CCDC85A: variants seen among roughly 807,000 people sequenced by gnomAD.
CCDC85A encodes coiled-coil domain-containing protein 85A.
A neutral mutation model predicts 50.2 loss-of-function variants in CCDC85A; 38 were observed. The observed-to-expected ratio is 0.76, with a 90% CI of 0.58 to 0.99. The LOEUF (loss-of-function observed/expected upper bound fraction) is 0.99, where lower values mean the gene tolerates loss of function less well. Ranked by LOEUF, CCDC85A falls within the 50% of genes least tolerant of loss-of-function variation. The probability of loss-of-function intolerance (pLI) is 0.00; values close to 1 mark genes in which losing one functional copy is unlikely to be tolerated. For synonymous variants in CCDC85A, 366 were observed against 301.4 expected, an observed-to-expected ratio of 1.21 and a Z score of -2.22; for missense variants, 820 against 742.0, an observed-to-expected ratio of 1.11 and a Z score of -1.22.
intron 2 of CCDC85A, among the ~76,000 whole-genome samples, chr2:56,317,534 C>G (rs1672976307): frequency 6.6e-6 from 1 of 152,026 alleles, no homozygotes; most frequent in African/African-American, 2.4e-5. Context: ...TCATCTGTCC[C>G]CAGACTCTTC....
intron 3 of CCDC85A, among the ~76,000 whole-genome samples, chr2:56,350,752 CTTTTTTT>C (rs373522130): frequency 7.7e-6 from 1 of 129,052 alleles, no homozygotes; most frequent in Admixed American, 7.7e-5. Flanking sequence ...GAGACCTTTC[CTTTTTTT>C]TTTTTTTTCT....
intron 3 of CCDC85A, among the ~76,000 whole-genome samples, chr2:56,358,961 ATTTTTT>A (rs1247665108): frequency 3.4e-4 from 12 of 35,770 alleles, no homozygotes; most frequent in African/African-American, 7.1e-4. Flanking sequence ...ATTTTTTTGT[ATTTTTT>A]TTTTTTTTTT....
intron 2 of CCDC85A, among the ~76,000 whole-genome samples, chr2:56,328,781 G>T (rs898617399): frequency 6.6e-6 from 1 of 152,004 alleles, no homozygotes; most frequent in Admixed American, 6.6e-5. Flanking sequence ...TCCTGGAGAC[G>T]TATTGAATCT....
At chr2:56,339,161 C>T (rs551135222) in intron 2 of CCDC85A, among the ~76,000 whole-genome samples, 3 of 152,274 alleles carry the variant, frequency 2.0e-5, no homozygotes, top group African/African-American at 7.2e-5. Context: ...CAGTGCCTGA[C>T]ACAAATCAGT....
At chr2:56,241,003 T>C (rs1324005026) in intron 2 of CCDC85A, among the ~76,000 whole-genome samples, 1 of 152,126 alleles carries the variant, frequency 6.6e-6, no homozygotes, top group African/African-American at 2.4e-5. Context: ...TATATGAGGG[T>C]TTCAATTTCT....
At chr2:56,220,101 G>A (rs1330409235) in intron 2 of CCDC85A, among the ~76,000 whole-genome samples, 2 of 152,000 alleles carry the variant, frequency 1.3e-5, no homozygotes, top group Admixed American at 1.3e-4. Context: ...AGAGGGAACA[G>A]TATGCATGCA....
intron 3 of CCDC85A, among the ~76,000 whole-genome samples, chr2:56,343,808 A>G (rs1674493547): frequency 6.6e-6 from 1 of 152,252 alleles, no homozygotes; most frequent in African/African-American, 2.4e-5. Flanking sequence ...TCAAACAACT[A>G]GTAAGCAGTA....
intron 2 of CCDC85A, among the ~76,000 whole-genome samples, chr2:56,283,638 C>T (rs891068794): frequency 3.3e-5 from 5 of 152,056 alleles, no homozygotes; most frequent in Non-Finnish European, 5.9e-5. Flanking sequence ...CTTCTTGAAT[C>T]AATGTTGGTA....
chr2:56,344,286 C>T (rs992178539), intron 3 of CCDC85A, among the ~76,000 whole-genome samples: 7 of 152,084 alleles, frequency 4.6e-5, no homozygotes, highest in Non-Finnish European at 5.9e-5. Context: ...GTTACTTGAA[C>T]GCAAGCACTG....
chr2:56,299,604 A>G (rs1465504150), intron 2 of CCDC85A, among the ~76,000 whole-genome samples: 3 of 152,128 alleles, frequency 2.0e-5, no homozygotes, highest in African/African-American at 7.2e-5. Flanking sequence ...GGAATGGAGG[A>G]TGGTCAGTTA....
At chr2:56,371,880 C>G (rs555031208) in intron 3 of CCDC85A, among the ~76,000 whole-genome samples, 37 of 152,196 alleles carry the variant, frequency 2.4e-4, no homozygotes, top group African/African-American at 8.7e-4. Context: ...TTAATTTTCT[C>G]AGTATTATTG....
chr2:56,204,546 C>A (rs576663501), intron 2 of CCDC85A, among the ~76,000 whole-genome samples: 1 of 152,294 alleles, frequency 6.6e-6, no homozygotes, highest in Non-Finnish European at 1.5e-5. Context: ...CAGCTTCTTG[C>A]CCTTCCTCTT....
chr2:56,183,980 C>A, upstream of CCDC85A: 1 of 985,740 alleles, frequency 1.0e-6, no homozygotes, highest in African/African-American at 1.7e-5. Flanking sequence ...CGGTCCCCCA[C>A]CCTCCACCCC....
At chr2:56,323,965 G>A (rs141422662) in intron 2 of CCDC85A, among the ~76,000 whole-genome samples, 4 of 152,116 alleles carry the variant, frequency 2.6e-5, no homozygotes, top group East Asian at 3.9e-4. Flanking sequence ...TAAAATGGTC[G>A]TTTATGGAAA....
chr2:56,376,919 C>G (rs148378165), intron 5 of CCDC85A, among the ~76,000 whole-genome samples: 1 of 152,332 alleles, frequency 6.6e-6, no homozygotes, highest in African/African-American at 2.4e-5. Context: ...TGGAGATGCA[C>G]TCCTCTTTTG....
chr2:56,225,485 A>T (rs747119710), intron 2 of CCDC85A, among the ~76,000 whole-genome samples: 1 of 152,072 alleles, frequency 6.6e-6, no homozygotes, highest in Non-Finnish European at 1.5e-5. Flanking sequence ...ATTCCATTTC[A>T]TTGACCTATA....
intron 2 of CCDC85A, among the ~76,000 whole-genome samples, chr2:56,296,379 G>A (rs1002805744): frequency 3.3e-5 from 5 of 152,120 alleles, no homozygotes; most frequent in African/African-American, 1.2e-4. Flanking sequence ...CTGGAATGTG[G>A]TAGTTTTCTT....
At chr2:56,269,683 C>T (rs1485151913) in intron 2 of CCDC85A, among the ~76,000 whole-genome samples, 1 of 152,208 alleles carries the variant, frequency 6.6e-6, no homozygotes, top group Non-Finnish European at 1.5e-5. Flanking sequence ...TTAAAATCCT[C>T]TGTTTTTAAT....
intron 2 of CCDC85A, among the ~76,000 whole-genome samples, chr2:56,219,084 G>C (rs1233347301): frequency 6.6e-6 from 1 of 150,496 alleles, no homozygotes; most frequent in African/African-American, 2.4e-5. Context: ...ATTGGTTGTT[G>C]AATTTTGTAT....
Sources: allele counts gnomAD v4.1 joint callset (sites outside exome capture counted in the v4.1 genomes callset), GRCh38; gene constraint gnomAD v4.1.1; transcripts MANE v1.5; gene names NCBI Gene and HGNC (gene_info 2026-07-23, HGNC 2026-07-21).